Variants in SLC38A11 observed in about 807,000 individuals in gnomAD.
SLC38A11 encodes putative sodium-coupled neutral amino acid transporter 11.
Under a neutral mutation model 49.4 loss-of-function variants are expected in SLC38A11, and 51 were observed. The observed-to-expected ratio is 1.03, with a 90% CI of 0.83 to 1.30. SLC38A11 has a LOEUF of 1.30. SLC38A11 is among the 50% of genes most tolerant of loss of function. SLC38A11 has a pLI of 0.00. For missense variants in SLC38A11, 574 were observed against 556.2 expected, an observed-to-expected ratio of 1.03 and a Z score of -0.32; for synonymous variants, 203 against 192.9, an observed-to-expected ratio of 1.05 and a Z score of -0.43.
rs1574002058 is a variant in SLC38A11 at position 164,945,475 on chromosome 2, T to A, written c.364+118A>T. Reference sequence around the variant, plus strand: ...TGGTTAAAGAAGTAAACATTTCATTTGGGAAAGATTTCAACTGCTATAGTG... The same window carrying A: ...TGGTTAAAGAAGTAAACATTTCATTAGGGAAAGATTTCAACTGCTATAGTG... On this transcript the variant is annotated intron_variant, in intron 4 of 11. Coordinates refer to ENST00000685975, the MANE Select transcript of SLC38A11 (RefSeq NM_001351537.2). The A allele has an allele frequency of 8.8e-6, 8 of 907,764 alleles. No individual in the cohort carries two copies. The East Asian group carries it at 2.3e-4, about 26-fold the overall frequency. 56.2% of individuals were successfully genotyped at this position (907,764 alleles called of 1,614,324 possible).
intron 11 of SLC38A11, among the ~76,000 whole-genome samples, chr2:164,899,477 A>C (rs1684515592): frequency 1.3e-5 from 2 of 152,134 alleles, no homozygotes; most frequent in South Asian, 2.1e-4. Flanking sequence ...TCAAAGGAAG[A>C]GACTTTCCCC....
chr2:164,943,377 C>T (rs948511322), intron 5 of SLC38A11, among the ~76,000 whole-genome samples: 2 of 152,144 alleles, frequency 1.3e-5, no homozygotes, highest in South Asian at 2.1e-4. Flanking sequence ...CACTATTGTA[C>T]ATCCATAAAA....
Position 164,898,608 on chromosome 2 carries a change from A to G in SLC38A11, c.1218T>C (p.Ala406=). Residue 406 remains alanine (A), a synonymous_variant, in exon 12 of 12, where the codon GCT becomes GCC. Coordinates refer to ENST00000685975, the MANE Select transcript of SLC38A11 (RefSeq NM_001351537.2). ...IMSCVMLPIG[A]VVMVFGFVMA... is the part of the protein sequence containing the mutation. ...TGACGAATCCAAAAACCATCACCAC[A>G]GCACCAATGGGAAGCATGACACAAG... is the stretch of plus-strand genomic sequence containing the variant. 2 of 1,613,668 alleles carry G rather than the reference A, an allele frequency of 1.2e-6. No individual in the cohort carries two copies. Among genetic ancestry groups the G allele is most frequent in the Middle Eastern group, 1.7e-4 (1 of 6,060 alleles).
At chr2:164,914,184 G>A (rs953417242) in intron 9 of SLC38A11, among the ~76,000 whole-genome samples, 2 of 152,000 alleles carry the variant, frequency 1.3e-5, no homozygotes, top group African/African-American at 4.8e-5. Context: ...TAATCAGGGG[G>A]TAAAACTAGT....
intron 7 of SLC38A11, 47 bp downstream of exon 7, chr2:164,937,303 G>T: frequency 8.3e-7 from 1 of 1,202,806 alleles, no homozygotes; most frequent in Non-Finnish European, 1.2e-6. Context: ...AAATATCTAT[G>T]TGGAGGCTAT....
chr2:164,898,238 C>T lies in SLC38A11; in HGVS notation c.*199G>A. 2.0e-6 allele frequency: 1 copy of T among 512,300 alleles called. No homozygotes were observed. The highest frequency in any genetic ancestry group is 3.5e-6 in the Non-Finnish European group (1 of 289,854). The allele number at this position is 512,300 out of a possible 1,614,324, so 31.7% of individuals were successfully genotyped here. A position where few individuals can be genotyped will look rare whatever the true frequency, so the allele number is the denominator to read the frequency against. ...GTGTAGTGCAGTCATTAGAACAAAA[C>T]CCTTATTTTGTTCCAGTTAAAGGTG... On this transcript the variant is annotated 3_prime_UTR_variant, in exon 12 of 12. Transcript: ENST00000685975.
chr2:164,947,978 T>G (rs1321792386), intron 3 of SLC38A11, among the ~76,000 whole-genome samples: 3 of 152,194 alleles, frequency 2.0e-5, no homozygotes, highest in Non-Finnish European at 2.9e-5. Flanking sequence ...ATTCTCAACA[T>G]TCTCCCTCCA....
rs979971583 is a variant in SLC38A11 at position 164,894,885 on chromosome 2, A to C, written c.*3552T>G. On this transcript the variant is annotated 3_prime_UTR_variant, in exon 12 of 12. Transcript: ENST00000685975. ...TTTCTTCCCTGAGATCTAGCATGGTATTCCTACATCTTGCTTGTATTGTGT... is the reference window on the plus strand; with the variant it reads ...TTTCTTCCCTGAGATCTAGCATGGTCTTCCTACATCTTGCTTGTATTGTGT... Among the ~76,000 whole-genome samples the C allele has an allele frequency of 6.6e-6, 1 of 152,110 alleles. No individual in the cohort carries two copies. The highest frequency in any genetic ancestry group is 2.4e-5 in the African/African-American group (1 of 41,410).
chr2:164,926,855 G>A (rs1313187994), intron 7 of SLC38A11, among the ~76,000 whole-genome samples: 2 of 129,980 alleles, frequency 1.5e-5, no homozygotes, highest in African/African-American at 5.9e-5. Context: ...ACACACCAGG[G>A]CCTGTTGTGG....
At chr2:164,917,011 A>C (rs1456969131) in intron 7 of SLC38A11, among the ~76,000 whole-genome samples, 1 of 152,114 alleles carries the variant, frequency 6.6e-6, no homozygotes, top group Non-Finnish European at 1.5e-5. Context: ...AATATGTAAA[A>C]CTTCTGGAAG....
intron 7 of SLC38A11, among the ~76,000 whole-genome samples, chr2:164,920,742 C>T (rs530638344): frequency 6.6e-6 from 1 of 151,652 alleles, no homozygotes; most frequent in African/African-American, 2.4e-5. Context: ...GGAAAGAAAA[C>T]GGAAGATCTG....
chr2:164,904,490 G>A (rs1486775559), intron 11 of SLC38A11, among the ~76,000 whole-genome samples: 5 of 151,786 alleles, frequency 3.3e-5, no homozygotes, highest in Admixed American at 1.3e-4. Flanking sequence ...ATATTATTTG[G>A]TGATACTAAA....
At chr2:164,906,095 T>A (rs1684985452) in intron 11 of SLC38A11, among the ~76,000 whole-genome samples, 2 of 152,208 alleles carry the variant, frequency 1.3e-5, no homozygotes, top group South Asian at 4.1e-4. Context: ...CTTGATTAAC[T>A]TGAAAACAAA....
At chr2:164,915,792 A>G (rs766292572) in intron 8 of SLC38A11, 111 bp downstream of exon 8, 12 of 736,838 alleles carry the variant, frequency 1.6e-5, no homozygotes, top group African/African-American at 3.4e-5. Flanking sequence ...TGCTAATAGG[A>G]AGTCTAAAAC....
intron 3 of SLC38A11, among the ~76,000 whole-genome samples, chr2:164,947,117 CT>C (rs200284770): frequency 1.6e-3 from 117 of 72,848 alleles, no homozygotes; most frequent in African/African-American, 3.3e-3. Flanking sequence ...TTTTTTATCT[CT>C]TTTTTTTTTT....
At chr2:164,916,054 C>T (rs904548080) in intron 7 of SLC38A11, 81 bp from the exon 8 acceptor site, 4 of 916,366 alleles carry the variant, frequency 4.4e-6, no homozygotes, top group Non-Finnish European at 6.9e-6. Context: ...AATGGTATCA[C>T]AAATATAAAC....
chr2:164,904,652 A>G (rs1684875240), intron 11 of SLC38A11, among the ~76,000 whole-genome samples: 1 of 152,220 alleles, frequency 6.6e-6, no homozygotes, highest in Admixed American at 6.5e-5. Flanking sequence ...CTAAATTACT[A>G]CAATTACTAA....
rs531261774 is a variant in SLC38A11, at chr2:164,924,948, C to T, written c.618-8975G>A. ...TAATTTTTTGTATTTTTAGTAGAGA[C>T]GGGGTTTCACTGTGGTCTCGATCTC... is the stretch of plus-strand genomic sequence containing the variant. On this transcript the variant is annotated intron_variant, in intron 7 of 11. Coordinates refer to ENST00000685975, the MANE Select transcript of SLC38A11 (RefSeq NM_001351537.2). 1.3e-3 allele frequency among the ~76,000 whole-genome samples: 192 copies of T among 152,024 alleles called. 1 individual carries two copies. Among genetic ancestry groups the T allele is most frequent in the African/African-American group, 4.1e-3 (170 of 41,482 alleles).
chr2:164,947,982 C>T (rs930091724), intron 3 of SLC38A11, among the ~76,000 whole-genome samples: 1 of 152,142 alleles, frequency 6.6e-6, no homozygotes, highest in African/African-American at 2.4e-5. Flanking sequence ...TCAACATTCT[C>T]CCTCCACCAG....
Sources: gnomAD v4.1 joint callset for allele counts (sites outside exome capture counted in the v4.1 genomes callset) on GRCh38, gnomAD v4.1.1 for gene constraint, MANE v1.5 for transcripts, NCBI Gene and HGNC (gene_info 2026-07-23, HGNC 2026-07-21) for gene names.